Variants in PCDH9 observed in about 807,000 individuals in gnomAD.
PCDH9 encodes the protein protocadherin 9, also known as protocadherin-9.
Under a neutral mutation model 70.6 loss-of-function variants are expected in PCDH9, and 24 were observed. The observed-to-expected ratio is 0.34, with a 90% CI of 0.25 to 0.48. The LOEUF is 0.48. Among genes scored for constraint, PCDH9 ranks in the 20% least tolerant of loss-of-function variants. The pLI is 0.99. For synonymous variants in PCDH9, 562 were observed against 558.5 expected, an observed-to-expected ratio of 1.01 and a Z score of -0.09; for missense variants, 1,281 against 1,503.6, an observed-to-expected ratio of 0.85 and a Z score of 2.45.
intron 4 of PCDH9, among the ~76,000 whole-genome samples, chr13:66,475,450 G>T (rs1318740484): frequency 1.3e-5 from 2 of 151,832 alleles, no homozygotes; most frequent in South Asian, 2.1e-4. Flanking sequence ...TGTATGTAAG[G>T]TGCCATATTC....
At chr13:66,942,439 T>C (rs1279009672) in intron 2 of PCDH9, among the ~76,000 whole-genome samples, 2 of 151,820 alleles carry the variant, frequency 1.3e-5, no homozygotes, top group East Asian at 3.9e-4. Context: ...CCTCTACCCA[T>C]GTTGATCAAG....
chr13:67,016,554 T>A (rs1010298931), intron 2 of PCDH9, among the ~76,000 whole-genome samples: 2 of 152,194 alleles, frequency 1.3e-5, no homozygotes, highest in Non-Finnish European at 2.9e-5. Flanking sequence ...CCAATTTACC[T>A]CAAGCCTTAC....
intron 3 of PCDH9, among the ~76,000 whole-genome samples, chr13:66,891,490 T>C (rs1273402896): frequency 6.6e-6 from 1 of 152,040 alleles, no homozygotes; most frequent in Non-Finnish European, 1.5e-5. Context: ...TAAATAGTAA[T>C]ATAAGATTTG....
At chr13:66,879,973 C>A (rs2081894055) in intron 3 of PCDH9, 1 of 151,832 alleles carries the variant, frequency 6.6e-6, no homozygotes, top group East Asian at 1.9e-4. Flanking sequence ...TGAATGCAAA[C>A]AAATCCTGGA....
At chr13:66,827,851 C>T (rs1466404768) in intron 3 of PCDH9, among the ~76,000 whole-genome samples, 1 of 151,994 alleles carries the variant, frequency 6.6e-6, no homozygotes, top group Non-Finnish European at 1.5e-5. Flanking sequence ...TTTTACATTC[C>T]CAATCCCTAT....
intron 4 of PCDH9, among the ~76,000 whole-genome samples, chr13:66,437,922 T>A (rs564424864): frequency 1.3e-5 from 2 of 152,130 alleles, no homozygotes; most frequent in East Asian, 3.8e-4. Context: ...GCTGTTTCTA[T>A]GGTTGTTTTC....
intron 2 of PCDH9, among the ~76,000 whole-genome samples, chr13:67,096,209 G>T (rs1429392632): frequency 6.6e-6 from 1 of 152,058 alleles, no homozygotes; most frequent in Non-Finnish European, 1.5e-5. Context: ...TATGTGTTGG[G>T]GGTAGTGTTT....
At chr13:66,518,911 G>A (rs115568832) in intron 4 of PCDH9, among the ~76,000 whole-genome samples, 164 of 152,230 alleles carry the variant, frequency 1.1e-3, no homozygotes, top group African/African-American at 3.7e-3. Context: ...TCCAAGAAAG[G>A]CCCAAGGGCA....
chr13:66,709,701 A>G (rs984478575), intron 3 of PCDH9, among the ~76,000 whole-genome samples: 1 of 152,228 alleles, frequency 6.6e-6, no homozygotes, highest in Non-Finnish European at 1.5e-5. Context: ...TATGTTTGTA[A>G]CATGGGAATC....
chr13:67,109,700 T>G (rs1379117944), intron 2 of PCDH9, among the ~76,000 whole-genome samples: 1 of 152,208 alleles, frequency 6.6e-6, no homozygotes. Flanking sequence ...TTTCAAGCTA[T>G]TTTAGAAATA....
intron 4 of PCDH9, among the ~76,000 whole-genome samples, chr13:66,338,407 T>C (rs1566251563): frequency 6.6e-6 from 1 of 152,008 alleles, no homozygotes. Context: ...AATGAGAGGT[T>C]TTACAAATTT....
chr13:67,211,320 C>A (rs2089463394), intron 2 of PCDH9: 1 of 151,854 alleles, frequency 6.6e-6, no homozygotes, highest in Non-Finnish European at 1.5e-5. Context: ...TGGAAAGATC[C>A]TTTTAGATTT....
intron 3 of PCDH9, among the ~76,000 whole-genome samples, chr13:66,773,148 T>C (rs574608629): frequency 1.3e-5 from 2 of 152,114 alleles, no homozygotes; most frequent in African/African-American, 4.8e-5. Context: ...TTCCATCACA[T>C]CAAAGACAAA....
chr13:66,473,200 C>A (rs1403779837), intron 4 of PCDH9, among the ~76,000 whole-genome samples: 2 of 151,846 alleles, frequency 1.3e-5, no homozygotes, highest in African/African-American at 2.4e-5. Context: ...TGATTATTAT[C>A]TGTATGACAA....
In PCDH9 at chr13:66,639,424, T is replaced by C. The variant is rs183311072; in HGVS notation, c.3139-8013A>G. Among the ~76,000 whole-genome samples, 27 of 152,324 alleles carry C rather than the reference T, an allele frequency of 1.8e-4. No homozygotes were observed. The South Asian group carries it at 4.4e-3, about 25-fold the overall frequency. ...AAGTGCATCAAATACCTCTTAGGAC[T>C]CCCTGTGGTAGAGAACTCATATTAA... On this transcript the variant is annotated intron_variant, in intron 3 of 4. Transcript: ENST00000377865.
intron 4 of PCDH9, among the ~76,000 whole-genome samples, chr13:66,587,466 G>A (rs2076978557): frequency 6.6e-6 from 1 of 152,158 alleles, no homozygotes; most frequent in South Asian, 2.1e-4. Flanking sequence ...AAAATCTGAA[G>A]GCAATGTTGT....
chr13:66,511,153 A>T (rs897664958), intron 4 of PCDH9, among the ~76,000 whole-genome samples: 3 of 152,190 alleles, frequency 2.0e-5, no homozygotes, highest in African/African-American at 7.2e-5. Flanking sequence ...TCACATTAAA[A>T]ACCCTGAAGT....
chr13:66,636,738 A>G (rs1159399754), intron 3 of PCDH9, among the ~76,000 whole-genome samples: 1 of 152,040 alleles, frequency 6.6e-6, no homozygotes, highest in East Asian at 1.9e-4. Context: ...CTAACTATGT[A>G]TCTATGTATC....
At chr13:67,163,672 G>C (rs533218551) in intron 2 of PCDH9, among the ~76,000 whole-genome samples, 3 of 152,172 alleles carry the variant, frequency 2.0e-5, no homozygotes, top group African/African-American at 7.2e-5. Context: ...AATTTGCTGC[G>C]TCAAGTAACT....
Sources: gnomAD v4.1 joint callset for allele counts (sites outside exome capture counted in the v4.1 genomes callset) on GRCh38, gnomAD v4.1.1 for gene constraint, MANE v1.5 for transcripts, NCBI Gene and HGNC (gene_info 2026-07-23, HGNC 2026-07-21) for gene names.